The following CORO7 variants were observed in gnomAD, a reference collection of about 807,000 sequenced individuals.
The protein encoded by CORO7 is coronin-7.
Under a neutral mutation model 126.6 loss-of-function variants are expected in CORO7, and 107 were observed. The observed-to-expected ratio is 0.85, with a 90% CI of 0.72 to 0.99. CORO7 has a LOEUF of 0.99. CORO7 is among the 50% of genes least tolerant of loss of function. CORO7 has a pLI of 0.00. For synonymous variants in CORO7, 603 were observed against 536.8 expected, an observed-to-expected ratio of 1.12 and a Z score of -1.70; for missense variants, 1,314 against 1,255.8, an observed-to-expected ratio of 1.05 and a Z score of -0.70.
intron 9 of CORO7, chr16:4,383,489 A>C (rs1288139919): frequency 1.2e-5 from 2 of 167,184 alleles, no homozygotes; most frequent in Middle Eastern, 3.4e-3. Context: ...CGATGATATG[A>C]AGGCCTTTTG....
chr16:4,359,454 C>T, intron 22 of CORO7, 26 bp downstream of exon 22: 1 of 1,613,482 alleles, frequency 6.2e-7, no homozygotes, highest in Middle Eastern at 1.7e-4. Context: ...CTCTCACCTG[C>T]CATCCCGCCC....
At chr16:4,366,575 T>G (rs1199426516) in intron 9 of CORO7, among the ~76,000 whole-genome samples, 1 of 138,476 alleles carries the variant, frequency 7.2e-6, no homozygotes, top group South Asian at 2.4e-4. Flanking sequence ...ACGGTCTCCC[T>G]CTGTCACCCA....
intron 9 of CORO7, among the ~76,000 whole-genome samples, chr16:4,376,673 G>A (rs1018863074): frequency 7.9e-5 from 12 of 152,264 alleles, no homozygotes; most frequent in African/African-American, 2.9e-4. Flanking sequence ...CCCAGAGGTG[G>A]GTGGGCGTCC....
At chr16:4,356,832 C>T (rs137858303) in intron 26 of CORO7, 279 of 320,920 alleles carry the variant, frequency 8.7e-4, no homozygotes, top group African/African-American at 5.9e-3. Context: ...TGAGAGGCTG[C>T]GGCATGTGGC....
intron 7 of CORO7, among the ~76,000 whole-genome samples, chr16:4,390,040 G>A (rs1400785632): frequency 6.6e-6 from 1 of 152,216 alleles, no homozygotes; most frequent in Non-Finnish European, 1.5e-5. Flanking sequence ...TATTCGAGAT[G>A]ACATGGTGAA....
chr16:4,386,839 C>T (rs1304906398), intron 9 of CORO7, among the ~76,000 whole-genome samples: 1 of 152,140 alleles, frequency 6.6e-6, no homozygotes, highest in East Asian at 1.9e-4. Flanking sequence ...GCTCTCAGCC[C>T]GGGGAAGCCC....
chr16:4,381,753 G>T (rs762040120), intron 9 of CORO7: 51 of 1,603,096 alleles, frequency 3.2e-5, no homozygotes, highest in Non-Finnish European at 4.3e-5. Context: ...GCCTGCGGCT[G>T]CTGGCAGCTG....
chr16:4,409,311 C>A (rs1374161986), intron 3 of CORO7, among the ~76,000 whole-genome samples: 1 of 152,218 alleles, frequency 6.6e-6, no homozygotes, highest in African/African-American at 2.4e-5. Context: ...ATTCCTGGGC[C>A]TAAAGCCACA....
chr16:4,381,434 C>G (rs1284886373), intron 9 of CORO7: 3 of 1,580,020 alleles, frequency 1.9e-6, no homozygotes, highest in Non-Finnish European at 2.6e-6. Flanking sequence ...GCCCTGGAGC[C>G]CGGCATCCTG....
At chr16:4,408,528 G>A (rs980640736) in intron 3 of CORO7, among the ~76,000 whole-genome samples, 28 of 152,330 alleles carry the variant, frequency 1.8e-4, no homozygotes, top group African/African-American at 6.3e-4. Flanking sequence ...GCACCTGCAG[G>A]AACGCAGCTG....
chr16:4,380,998 C>T (rs1301618599), intron 9 of CORO7: 24 of 1,607,802 alleles, frequency 1.5e-5, no homozygotes, highest in African/African-American at 2.7e-5. Flanking sequence ...CTGCACTGCC[C>T]GCCAGGGGAC....
rs532349264 is a variant in CORO7 at position 4,412,288 on chromosome 16, T to C, written c.232+68A>G. ...ATGCGGCAGTGGGACCAGGTGAGGA[T>C]GAATTTCTGGCCCTGGAGAGGGAGG... On this transcript the variant is annotated intron_variant, in intron 3 of 27. Transcript: ENST00000251166. The C allele has an allele frequency of 2.6e-6, 4 of 1,566,528 alleles. No homozygotes were observed. The Admixed American group carries it at 6.8e-5, about 26-fold the overall frequency.
intron 7 of CORO7, among the ~76,000 whole-genome samples, chr16:4,388,885 G>C (rs891057644): frequency 6.6e-6 from 1 of 152,146 alleles, no homozygotes; most frequent in East Asian, 1.9e-4. Flanking sequence ...TGCTCCTCCC[G>C]AGTGTCCCTC....
At chr16:4,405,021 G>A (rs998024430) in intron 6 of CORO7, among the ~76,000 whole-genome samples, 4 of 152,014 alleles carry the variant, frequency 2.6e-5, no homozygotes, top group African/African-American at 4.8e-5. Context: ...CTGAGGCCAC[G>A]CGTCCCTGGC....
Position 4,388,061 on chromosome 16 carries a change from T to C in CORO7, c.710A>G (p.Glu237Gly), listed in dbSNP as rs1434681743. The change falls in exon 9 of 28, where the codon GAG becomes GGG. Residue 237 changes from glutamate to glycine, a missense_variant. By Grantham distance (98) the Glu-to-Gly change is moderately conservative. Transcript: ENST00000251166. Reference sequence around the variant, plus strand: ...CGTGTCCCACAGCTTCACTTCGCGCTCACGCATCTGCAGGGAGGGCGAGAG... The same window carrying C: ...CGTGTCCCACAGCTTCACTTCGCGCCCACGCATCTGCAGGGAGGGCGAGAG... The part of the protein sequence containing the change: ...LVSTGFNQMR[E>G]REVKLWDTRF... 5.6e-6 allele frequency: 9 copies of C among 1,612,426 alleles called. No individual in the cohort carries two copies. Among genetic ancestry groups the C allele is most frequent in the Non-Finnish European group, 5.9e-6 (7 of 1,179,646 alleles).
At chr16:4,406,355 G>GGCA (rs2055997577) in intron 5 of CORO7, among the ~76,000 whole-genome samples, 1 of 152,088 alleles carries the variant, frequency 6.6e-6, no homozygotes, top group Admixed American at 6.6e-5. Flanking sequence ...GAATGCAGTG[G>GGCA]TGTGATCATA....
chr16:4,358,607 G>T, intron 23 of CORO7, 124 bp from the exon 24 acceptor site: 1 of 809,952 alleles, frequency 1.2e-6, no homozygotes, highest in Non-Finnish European at 1.8e-6. Flanking sequence ...TCCCTGGACA[G>T]TAACGTGTTG....
rs539403664 is a variant in CORO7 at position 4,388,892 on chromosome 16, C to T, written c.616-261G>A. 1.3e-4 allele frequency among the ~76,000 whole-genome samples: 20 copies of T among 152,274 alleles called. No individual in the cohort carries two copies. In the East Asian group the frequency reaches 3.9e-3, roughly 29 times the overall value. On this transcript the variant is annotated intron_variant, in intron 7 of 27. Coordinates refer to ENST00000251166, the MANE Select transcript of CORO7 (RefSeq NM_024535.5). ...AACCTGGCTGCTCCTCCCGAGTGTC[C>T]CTCCTACCAAGGAGAGGGCTGCCTC...
chr16:4,362,193 G>A lies in CORO7; in HGVS notation c.1403-33C>T, dbSNP rs894736278. 2 of 1,590,394 alleles carry A rather than the reference G, an allele frequency of 1.3e-6. No individual in the cohort carries two copies. Among genetic ancestry groups the A allele is most frequent in the African/African-American group, 2.7e-5 (2 of 74,050 alleles). ...GTGGCAGGGACATGGAACCACGTGT[G>A]AGGATGCCGTCCCCGCCCGCCCTGC... On this transcript the variant is annotated intron_variant, in intron 15 of 27. Coordinates refer to ENST00000251166, the MANE Select transcript of CORO7 (RefSeq NM_024535.5). This position sits in a 1 kb window ranked among gnomAD's most constrained non-coding sequence, Gnocchi z 5.3.
Sources: allele counts gnomAD v4.1 joint callset (sites outside exome capture counted in the v4.1 genomes callset), GRCh38; gene constraint gnomAD v4.1.1; non-coding constraint Gnocchi (gnomAD v3.1); transcripts MANE v1.5; gene names NCBI Gene and HGNC (gene_info 2026-07-23, HGNC 2026-07-21).